Variants in PPP1R14C observed in about 807,000 individuals in gnomAD.
PPP1R14C encodes the protein protein phosphatase 1 regulatory subunit 14C.
Under a neutral mutation model 20.4 loss-of-function variants are expected in PPP1R14C, and 16 were observed. The ratio of observed to expected loss-of-function variants is 0.78; its 90% CI spans 0.53 to 1.19. The LOEUF (loss-of-function observed/expected upper bound fraction) is 1.19. Among genes scored for constraint, PPP1R14C ranks in the 50% most tolerant of loss-of-function variants. The pLI is 0.00. For synonymous variants in PPP1R14C, 91 were observed against 91.0 expected (o/e 1.00, Z 0.00); for missense variants, 211 against 220.1 (o/e 0.96, Z 0.26).
intron 1 of PPP1R14C, among the ~76,000 whole-genome samples, chr6:150,169,651 A>G (rs1342893825): frequency 1.3e-5 from 2 of 152,242 alleles, no homozygotes; most frequent in African/African-American, 4.8e-5. Context: ...AGAAAATTCT[A>G]GGCTGATGAA....
chr6:150,239,604 A>C (rs752163585), intron 3 of PPP1R14C, among the ~76,000 whole-genome samples: 1 of 152,222 alleles, frequency 6.6e-6, no homozygotes, highest in Non-Finnish European at 1.5e-5. Context: ...GGGTGGGGGA[A>C]CATATAGCAG....
At chr6:150,176,600 C>T (rs1276338241) in intron 1 of PPP1R14C, among the ~76,000 whole-genome samples, 1 of 152,222 alleles carries the variant, frequency 6.6e-6, no homozygotes, top group Non-Finnish European at 1.5e-5. Flanking sequence ...TGTCTTTCTA[C>T]TGCTATTTTG....
intron 1 of PPP1R14C, chr6:150,194,882 T>G (rs1435147219): frequency 1.0e-6 from 1 of 985,288 alleles, no homozygotes; most frequent in African/African-American, 1.7e-5. Context: ...TTATTGACAC[T>G]GATTTAAAGG....
chr6:150,150,876 A>C (rs2114850934), intron 1 of PPP1R14C, among the ~76,000 whole-genome samples: 1 of 151,692 alleles, frequency 6.6e-6, no homozygotes, highest in African/African-American at 2.4e-5. Flanking sequence ...ACCATCCCCC[A>C]CTACCACACA....
intron 1 of PPP1R14C, among the ~76,000 whole-genome samples, chr6:150,150,504 C>T (rs993575804): frequency 6.6e-6 from 1 of 152,190 alleles, no homozygotes; most frequent in African/African-American, 2.4e-5. Flanking sequence ...AACAACCTGG[C>T]AGCCCCTGGT....
intron 1 of PPP1R14C, among the ~76,000 whole-genome samples, chr6:150,151,006 C>T (rs1035888392): frequency 2.0e-5 from 3 of 151,882 alleles, no homozygotes; most frequent in African/African-American, 2.4e-5. Context: ...TCTCTGTCTT[C>T]GGGCCCTGGC....
chr6:150,144,857 G>C (rs1777164741), intron 1 of PPP1R14C, among the ~76,000 whole-genome samples: 1 of 152,210 alleles, frequency 6.6e-6, no homozygotes, highest in Non-Finnish European at 1.5e-5. Context: ...AACATAAGAA[G>C]TATTCATGAG....
At chr6:150,154,890 T>C (rs559373683) in intron 1 of PPP1R14C, among the ~76,000 whole-genome samples, 6 of 152,380 alleles carry the variant, frequency 3.9e-5, no homozygotes, top group East Asian at 1.9e-4. Flanking sequence ...ACAGCCACCA[T>C]AGCTGCTTTT....
chr6:150,235,666 C>T (rs1411037535), intron 3 of PPP1R14C, among the ~76,000 whole-genome samples: 1 of 152,204 alleles, frequency 6.6e-6, no homozygotes, highest in Non-Finnish European at 1.5e-5. Flanking sequence ...GCATTCCACG[C>T]ACTCTATTCT....
chr6:150,191,588 C>T (rs1271369222), intron 1 of PPP1R14C, among the ~76,000 whole-genome samples: 6 of 152,208 alleles, frequency 3.9e-5, no homozygotes, highest in East Asian at 1.9e-4. Context: ...ACCATAGATC[C>T]TTGATTGAAT....
At chr6:150,156,771 G>C (rs13199127) in intron 1 of PPP1R14C, among the ~76,000 whole-genome samples, 1 of 152,032 alleles carries the variant, frequency 6.6e-6, no homozygotes, top group Non-Finnish European at 1.5e-5. Context: ...AAAACAACAC[G>C]TACTATCTCT....
intron 1 of PPP1R14C, among the ~76,000 whole-genome samples, chr6:150,144,793 C>T (rs1316397243): frequency 6.6e-6 from 1 of 152,196 alleles, no homozygotes; most frequent in Non-Finnish European, 1.5e-5. Flanking sequence ...TGTGTTGTTT[C>T]TCCAGTCCAG....
chr6:150,216,068 G>A (rs1323970623), intron 2 of PPP1R14C, among the ~76,000 whole-genome samples: 2 of 152,216 alleles, frequency 1.3e-5, no homozygotes, highest in African/African-American at 4.8e-5. Context: ...GGGGGATTTG[G>A]TTCCTGTGGA....
At chr6:150,230,948 C>T (rs1464139697) in intron 3 of PPP1R14C, among the ~76,000 whole-genome samples, 1 of 152,174 alleles carries the variant, frequency 6.6e-6, no homozygotes, top group Non-Finnish European at 1.5e-5. Context: ...GGGAAGGCTA[C>T]CAGATAGTTG....
intron 1 of PPP1R14C, among the ~76,000 whole-genome samples, chr6:150,182,641 A>T (rs1055992532): frequency 2.0e-5 from 3 of 152,244 alleles, no homozygotes; most frequent in African/African-American, 7.2e-5. Context: ...AAATGGGGAT[A>T]ATAAAGACAT....
intron 3 of PPP1R14C, 62 bp downstream of exon 3, chr6:150,216,918 T>C: frequency 7.2e-7 from 1 of 1,386,484 alleles, no homozygotes; most frequent in Non-Finnish European, 1.0e-6. Flanking sequence ...TCAATTTGTC[T>C]ATTTTTAAAG....
chr6:150,160,474 C>A (rs912572235), intron 1 of PPP1R14C, among the ~76,000 whole-genome samples: 5 of 151,034 alleles, frequency 3.3e-5, no homozygotes, highest in South Asian at 4.2e-4. Context: ...GGGGTTTCAC[C>A]GTGTTAGCGA....
intron 3 of PPP1R14C, among the ~76,000 whole-genome samples, chr6:150,223,755 T>C (rs544907582): frequency 6.6e-6 from 1 of 152,322 alleles, no homozygotes; most frequent in South Asian, 2.1e-4. Context: ...ATAATAGGCC[T>C]TTATCAGACA....
At chr6:150,169,107 G>C (rs753641750) in intron 1 of PPP1R14C, among the ~76,000 whole-genome samples, 12 of 152,162 alleles carry the variant, frequency 7.9e-5, no homozygotes, top group Non-Finnish European at 1.8e-4. Flanking sequence ...GAACTCCTGA[G>C]CTCAGGCGAT....
Sources: allele counts gnomAD v4.1 joint callset (sites outside exome capture counted in the v4.1 genomes callset), GRCh38; gene constraint gnomAD v4.1.1; transcripts MANE v1.5; gene names NCBI Gene and HGNC (gene_info 2026-07-23, HGNC 2026-07-21).